Variants in RTN1 observed in about 807,000 individuals in gnomAD.
RTN1 encodes the protein reticulon 1.
Under a neutral mutation model 65.5 loss-of-function variants are expected in RTN1, and 25 were observed. That is an observed-to-expected ratio of 0.38 (90% CI 0.28 to 0.53). The LOEUF (loss-of-function observed/expected upper bound fraction) is 0.53, where lower values mean the gene tolerates loss of function less well. RTN1 is among the 20% of genes least tolerant of loss of function. The pLI, the probability that RTN1 is intolerant of heterozygous loss-of-function variation, is 0.79. For synonymous variants in RTN1, 471 were observed against 447.6 expected, an observed-to-expected ratio of 1.05 and a Z score of -0.66; for missense variants, 983 against 1,025.4, an observed-to-expected ratio of 0.96 and a Z score of 0.57.
intron 1 of RTN1, among the ~76,000 whole-genome samples, chr14:59,856,108 A>ACTG (rs548463493): frequency 1.5e-3 from 229 of 152,190 alleles, no homozygotes; most frequent in African/African-American, 5.1e-3. Flanking sequence ...CCGAGAACTC[A>ACTG]CTGCTGTGTC....
intron 1 of RTN1, among the ~76,000 whole-genome samples, chr14:59,791,437 T>C (rs569319406): frequency 1.3e-5 from 2 of 152,298 alleles, no homozygotes; most frequent in South Asian, 4.1e-4. Flanking sequence ...TGCTCTCCTT[T>C]CTGTGCTGCA....
chr14:59,749,154 C>CTATA lies in RTN1; in HGVS notation c.242-2677_242-2674dup, dbSNP rs373547018. Among the ~76,000 whole-genome samples the CTATA allele has an allele frequency of 1.5e-3, 89 of 59,232 alleles. 11 individuals are homozygous for CTATA. The highest frequency in any genetic ancestry group is 2.9e-3 in the African/African-American group (26 of 9,010). 38.9% of individuals were successfully genotyped at this position (59,232 alleles called of 152,430 possible). A position where few individuals can be genotyped will look rare whatever the true frequency, so the allele number is the denominator to read the frequency against. On this transcript the variant is annotated intron_variant, in intron 1 of 8. Coordinates refer to ENST00000267484, the MANE Select transcript of RTN1 (RefSeq NM_021136.3). ...TATCTATATCTATCTATCTATCTAT[C>CTATA]TATATCTATCTATATATCTATCTAT...
intron 1 of RTN1, among the ~76,000 whole-genome samples, chr14:59,850,844 T>G (rs954032652): frequency 1.3e-5 from 2 of 152,230 alleles, no homozygotes; most frequent in Non-Finnish European, 2.9e-5. Flanking sequence ...GCACTAAGAA[T>G]GTGCAAAGGG....
intron 2 of RTN1, among the ~76,000 whole-genome samples, chr14:59,734,355 G>A (rs1385288067): frequency 1.3e-5 from 2 of 152,154 alleles, no homozygotes; most frequent in African/African-American, 4.8e-5. Context: ...AACCTTCCCA[G>A]CAAGGGCTCA....
At chr14:59,662,690 C>A (rs1883277627) in intron 3 of RTN1, among the ~76,000 whole-genome samples, 1 of 152,006 alleles carries the variant, frequency 6.6e-6, no homozygotes, top group Non-Finnish European at 1.5e-5. Flanking sequence ...AATAAAATAC[C>A]TAGGAATACA....
intron 1 of RTN1, among the ~76,000 whole-genome samples, chr14:59,763,533 T>TTC (rs1171604565): frequency 2.0e-5 from 1 of 50,106 alleles, no homozygotes; most frequent in Non-Finnish European, 3.8e-5. Context: ...TTTTCTTTCT[T>TTC]TTTTTTTTTT....
intron 1 of RTN1, among the ~76,000 whole-genome samples, chr14:59,819,347 G>A (rs1047494177): frequency 7.6e-6 from 1 of 131,228 alleles, no homozygotes; most frequent in Non-Finnish European, 1.6e-5. Context: ...CTGCTGATTG[G>A]TCCACTTTAC....
At chr14:59,630,576 C>A in intron 3 of RTN1, 1 of 1,600,350 alleles carries the variant, frequency 6.2e-7, no homozygotes, top group South Asian at 1.1e-5. Context: ...CGTTGGTGCC[C>A]GGCTGCTGCG....
chr14:59,602,979 C>T (rs990708172), intron 8 of RTN1, 86 bp downstream of exon 8: 71 of 941,404 alleles, frequency 7.5e-5, no homozygotes, highest in Non-Finnish European at 1.1e-4. Context: ...TATCATTTTA[C>T]TATCTTCTCA....
In RTN1 at chr14:59,866,155, A is replaced by T. The variant is rs146671896; in HGVS notation, c.241+4235T>A. ...AAAAGGAACTATTTGGCTAAATTAA[A>T]TACTGTGAATCAGAAAGGTGCACAT... On this transcript the variant is annotated intron_variant, in intron 1 of 8. Transcript: ENST00000267484. 3.3e-3 allele frequency among the ~76,000 whole-genome samples: 502 copies of T among 152,294 alleles called. 5 individuals are homozygous for T. Among genetic ancestry groups the T allele is most frequent in the African/African-American group, 0.011 (473 of 41,560 alleles).
In RTN1 at chr14:59,816,137, T is replaced by C. The variant is rs1452230500; in HGVS notation, c.241+54253A>G. ...ACTTGAGTGTAGGATCCTTATGTCC[T>C]GTTTCTTTTATAATTATCTTTACTG... is the stretch of plus-strand genomic sequence containing the variant. On this transcript the variant is annotated intron_variant, in intron 1 of 8. Coordinates refer to ENST00000267484, the MANE Select transcript of RTN1 (RefSeq NM_021136.3). The surrounding 1 kb of genome is among the most constrained non-coding windows in gnomAD (Gnocchi z 4.3). 5.9e-5 allele frequency among the ~76,000 whole-genome samples: 9 copies of C among 152,328 alleles called. No individual in the cohort carries two copies. In the South Asian group the frequency reaches 6.2e-4, roughly 11 times the overall value.
At position 59,766,512 on chromosome 14, in the gene RTN1, G is replaced by A. The variant is rs984165381; in HGVS notation, c.242-20031C>T. Among the ~76,000 whole-genome samples, 1 of 152,136 alleles carries A rather than the reference G, an allele frequency of 6.6e-6. No individual in the cohort carries two copies. Among genetic ancestry groups the A allele is most frequent in the Non-Finnish European group, 1.5e-5 (1 of 68,036 alleles). ...GCTCTTATATCTGGGGAAGAAACTA[G>A]GGGTTCAAATAGAGCTATCCAGTTA... On this transcript the variant is annotated intron_variant, in intron 1 of 8. Coordinates refer to ENST00000267484, the MANE Select transcript of RTN1 (RefSeq NM_021136.3). This position sits in a 1 kb window ranked among gnomAD's most constrained non-coding sequence, Gnocchi z 4.4.
chr14:59,632,566 T>A (rs1353390384), intron 3 of RTN1, among the ~76,000 whole-genome samples: 1 of 98,590 alleles, frequency 1.0e-5, no homozygotes, highest in African/African-American at 3.8e-5. Context: ...GCCAGTCCAA[T>A]GATAGCCCCA....
At chr14:59,828,434 A>G (rs1203726565) in intron 1 of RTN1, among the ~76,000 whole-genome samples, 1 of 152,130 alleles carries the variant, frequency 6.6e-6, no homozygotes, top group Non-Finnish European at 1.5e-5. Context: ...AGCCCACCTT[A>G]AGAGGATTGT....
At chr14:59,669,731 C>A (rs1376230321) in intron 3 of RTN1, among the ~76,000 whole-genome samples, 2 of 152,154 alleles carry the variant, frequency 1.3e-5, no homozygotes, top group Non-Finnish European at 2.9e-5. Context: ...ACCTATGTCT[C>A]TGAGATCTCC....
intron 3 of RTN1, among the ~76,000 whole-genome samples, chr14:59,664,281 C>T (rs1883315271): frequency 6.6e-6 from 1 of 151,916 alleles, no homozygotes; most frequent in Non-Finnish European, 1.5e-5. Flanking sequence ...AACACATGGA[C>T]ACAGGGAGGG....
chr14:59,783,710 G>C (rs937219966), intron 1 of RTN1, among the ~76,000 whole-genome samples: 1 of 152,184 alleles, frequency 6.6e-6, no homozygotes, highest in African/African-American at 2.4e-5. Context: ...AGTGGGGCCA[G>C]TGTTACCTGA....
chr14:59,638,630 G>T (rs1566669061), intron 3 of RTN1, among the ~76,000 whole-genome samples: 1 of 152,170 alleles, frequency 6.6e-6, no homozygotes, highest in Non-Finnish European at 1.5e-5. Flanking sequence ...TCATGGAGAA[G>T]GCTTCTTTCC....
rs574064883 is a variant in RTN1, at chr14:59,777,272, C to T, written c.242-30791G>A. The stretch of plus-strand genomic sequence containing the variant: ...GGTTTAGAAACATATTCTAAAATCC[C>T]TGGGAGTCTGGTTGCTTTTGTGTTT... On this transcript the variant is annotated intron_variant, in intron 1 of 8. Coordinates refer to ENST00000267484, the MANE Select transcript of RTN1 (RefSeq NM_021136.3). Among the ~76,000 whole-genome samples the T allele has an allele frequency of 2.6e-5, 4 of 152,212 alleles. No homozygotes were observed. The East Asian group carries it at 7.7e-4, about 29-fold the overall frequency.
Sources: gnomAD v4.1 joint callset for allele counts (sites outside exome capture counted in the v4.1 genomes callset) on GRCh38, gnomAD v4.1.1 for gene constraint, Gnocchi (gnomAD v3.1) non-coding constraint, MANE v1.5 for transcripts, NCBI Gene and HGNC (gene_info 2026-07-23, HGNC 2026-07-21) for gene names.